The following PTPRD variants were observed in gnomAD, a reference collection of about 807,000 sequenced individuals.
The protein encoded by PTPRD is protein tyrosine phosphatase receptor type D.
In PTPRD, 34 loss-of-function variants were observed where a neutral mutation model predicts 214.5. The ratio of observed to expected loss-of-function variants is 0.16; its 90% confidence interval spans 0.12 to 0.21. The LOEUF (loss-of-function observed/expected upper bound fraction) is 0.21, where lower values mean the gene tolerates loss of function less well. PTPRD is among the 10% of genes least tolerant of loss of function. The pLI is 1.00. For missense variants in PTPRD, 2,545 were observed against 2,398.7 expected (o/e 1.06, Z -1.27); for synonymous variants, 1,128 against 845.7 (o/e 1.33, Z -5.79).
At chr9:9,427,131 T>A (rs953902633) in intron 8 of PTPRD, among the ~76,000 whole-genome samples, 2 of 152,134 alleles carry the variant, frequency 1.3e-5, no homozygotes. Flanking sequence ...AAGGAGGATG[T>A]TTGAACCCGT....
At chr9:10,164,166 GATTATAAA>G (rs2099145214) in intron 3 of PTPRD, among the ~76,000 whole-genome samples, 1 of 151,374 alleles carries the variant, frequency 6.6e-6, no homozygotes, top group Non-Finnish European at 1.5e-5. Context: ...AACCTTGAGG[GATTATAAA>G]ATACAGAACA....
chr9:10,387,245 A>G (rs1310143935), intron 2 of PTPRD, among the ~76,000 whole-genome samples: 2 of 151,904 alleles, frequency 1.3e-5, no homozygotes, highest in Admixed American at 6.6e-5. Context: ...AAACTAACAC[A>G]GTCGTTTAAC....
chr9:10,348,636 T>C (rs186894504), intron 2 of PTPRD, among the ~76,000 whole-genome samples: 20 of 152,206 alleles, frequency 1.3e-4, no homozygotes, highest in African/African-American at 3.9e-4. Context: ...TTACCTCCCC[T>C]GTTTGCATAT....
chr9:9,492,829 G>A lies in PTPRD; in HGVS notation c.-237+81903C>T, dbSNP rs144754405. ...ACTTTTTGTTTCTGCATCATATTTC[G>A]GTAATTTTTGCAATAATTTAAACTT... On this transcript the variant is annotated intron_variant, in intron 8 of 45. Transcript: ENST00000381196. 4.7e-5 allele frequency among the ~76,000 whole-genome samples: 7 copies of A among 149,848 alleles called. No individual in the cohort carries two copies. The East Asian group carries it at 5.9e-4, about 13-fold the overall frequency.
intron 6 of PTPRD, among the ~76,000 whole-genome samples, chr9:9,738,036 G>A (rs994448426): frequency 6.6e-6 from 1 of 151,334 alleles, no homozygotes; most frequent in Non-Finnish European, 1.5e-5. Context: ...CTCACTCATA[G>A]TTGGGAATTG....
intron 9 of PTPRD, among the ~76,000 whole-genome samples, chr9:9,327,028 C>T (rs1229892296): frequency 6.6e-6 from 1 of 152,132 alleles, no homozygotes; most frequent in African/African-American, 2.4e-5. Context: ...AAAAAGAACT[C>T]ACTCTGTGTT....
intron 5 of PTPRD, among the ~76,000 whole-genome samples, chr9:9,840,673 G>A (rs948864263): frequency 6.8e-6 from 1 of 148,012 alleles, no homozygotes; most frequent in Non-Finnish European, 1.5e-5. Flanking sequence ...TGAGGCAGGA[G>A]AATCGCTTGA....
At chr9:8,858,145 G>A in intron 11 of PTPRD, 1 of 159,996 alleles carries the variant, frequency 6.3e-6, no homozygotes, top group East Asian at 1.8e-4. Context: ...ATGCTCCGCC[G>A]CTCGCGGCTG....
chr9:9,220,023 T>C (rs913177742), intron 9 of PTPRD, among the ~76,000 whole-genome samples: 1 of 152,138 alleles, frequency 6.6e-6, no homozygotes, highest in African/African-American at 2.4e-5. Context: ...TAAAATACTC[T>C]TGAAAAGCTT....
chr9:8,675,389 A>G, intron 12 of PTPRD, among the ~76,000 whole-genome samples: 1 of 151,956 alleles, frequency 6.6e-6, no homozygotes, highest in South Asian at 2.1e-4. Flanking sequence ...TCATTAATCA[A>G]TAGATGAGCT....
At chr9:10,213,641 G>T (rs1273940476) in intron 3 of PTPRD, among the ~76,000 whole-genome samples, 1 of 151,974 alleles carries the variant, frequency 6.6e-6, no homozygotes, top group African/African-American at 2.4e-5. Flanking sequence ...GCTTAATGCT[G>T]ATTTTCTTTA....
At chr9:9,531,665 G>A (rs953114252) in intron 8 of PTPRD, among the ~76,000 whole-genome samples, 1 of 152,064 alleles carries the variant, frequency 6.6e-6, no homozygotes, top group Non-Finnish European at 1.5e-5. Flanking sequence ...CAATTCAGTG[G>A]GTGATAGGCA....
intron 5 of PTPRD, among the ~76,000 whole-genome samples, chr9:9,781,863 G>A (rs1053755962): frequency 6.6e-6 from 1 of 151,412 alleles, no homozygotes; most frequent in Non-Finnish European, 1.5e-5. Flanking sequence ...CGCAATCTCG[G>A]CTCGCTGCAA....
At chr9:8,902,718 C>T (rs1209215704) in intron 11 of PTPRD, among the ~76,000 whole-genome samples, 1 of 152,100 alleles carries the variant, frequency 6.6e-6, no homozygotes, top group African/African-American at 2.4e-5. Flanking sequence ...CACCATAGAT[C>T]ATAAGCTTGT....
intron 11 of PTPRD, among the ~76,000 whole-genome samples, chr9:8,763,728 A>C (rs535180727): frequency 9.9e-5 from 15 of 151,930 alleles, no homozygotes; most frequent in African/African-American, 3.4e-4. Context: ...TTTTGAGAAA[A>C]GTTTTTCGTT....
At chr9:10,292,771 T>G (rs531303333) in intron 3 of PTPRD, among the ~76,000 whole-genome samples, 2 of 152,024 alleles carry the variant, frequency 1.3e-5, no homozygotes, top group South Asian at 4.1e-4. Context: ...AGGATTTTTC[T>G]GTTTTTTTTT....
At chr9:9,974,262 T>G (rs901150181) in intron 4 of PTPRD, among the ~76,000 whole-genome samples, 3 of 152,206 alleles carry the variant, frequency 2.0e-5, no homozygotes, top group African/African-American at 7.2e-5. Flanking sequence ...GATGTTTAAA[T>G]TATAAAACCA....
chr9:8,575,091 A>G (rs1466918938), intron 14 of PTPRD, among the ~76,000 whole-genome samples: 2 of 152,110 alleles, frequency 1.3e-5, no homozygotes, highest in African/African-American at 4.8e-5. Context: ...TACTCTACGA[A>G]TAGCTGTTCA....
intron 7 of PTPRD, among the ~76,000 whole-genome samples, chr9:9,597,508 C>T (rs761420217): frequency 5.9e-5 from 9 of 151,946 alleles, no homozygotes. Context: ...GATTGTTCAA[C>T]ATGATTATTA....
Sources: allele counts gnomAD v4.1 joint callset (sites outside exome capture counted in the v4.1 genomes callset), GRCh38; gene constraint gnomAD v4.1.1; transcripts MANE v1.5; gene names NCBI Gene and HGNC (gene_info 2026-07-23, HGNC 2026-07-21).